KCNN2: variants seen among roughly 807,000 people sequenced by gnomAD.
KCNN2 encodes the protein potassium calcium-activated channel subfamily N member 2, also known as small conductance calcium-activated potassium channel protein 2.
In KCNN2, 24 loss-of-function variants were observed where a neutral mutation model predicts 55.5. The observed-to-expected ratio is 0.43, with a 90% CI of 0.31 to 0.61. KCNN2 has a LOEUF of 0.61. Among genes scored for constraint, KCNN2 ranks in the 20% least tolerant of loss-of-function variants. KCNN2 has a pLI of 0.08. For synonymous variants in KCNN2, 431 were observed against 336.1 expected (o/e 1.28, Z -3.09); for missense variants, 754 against 853.6 (o/e 0.88, Z 1.45).
At chr5:114,294,979 G>A (rs1009303360) in intron 2 of KCNN2, among the ~76,000 whole-genome samples, 3 of 152,110 alleles carry the variant, frequency 2.0e-5, no homozygotes, top group Non-Finnish European at 4.4e-5. Context: ...TGTTTTATCA[G>A]AGACTAGGAT....
intron 3 of KCNN2, among the ~76,000 whole-genome samples, chr5:114,435,707 A>G (rs1226066703): frequency 6.6e-6 from 1 of 152,170 alleles, no homozygotes; most frequent in Non-Finnish European, 1.5e-5. Flanking sequence ...TATACATTTT[A>G]CATTCTTTTC....
chr5:114,334,300 GTGTGTGTGTA>G (rs1019667661), intron 2 of KCNN2, among the ~76,000 whole-genome samples: 4 of 128,792 alleles, frequency 3.1e-5, no homozygotes, highest in African/African-American at 1.1e-4. Flanking sequence ...GTGTGTGTGT[GTGTGTGTGTA>G]TAAGGCTCTG....
intron 2 of KCNN2, among the ~76,000 whole-genome samples, chr5:114,357,065 G>T (rs1220561235): frequency 1.3e-5 from 2 of 152,010 alleles, no homozygotes; most frequent in East Asian, 3.9e-4. Flanking sequence ...CATTTACTTT[G>T]TAGGTCAAAA....
At chr5:114,357,316 TACTTTA>T (rs1561583478), upstream of KCNN2, among the ~76,000 whole-genome samples, 3 of 151,286 alleles carry the variant, frequency 2.0e-5, no homozygotes, top group South Asian at 2.1e-4. Flanking sequence ...TTTTTAATTA[TACTTTA>T]ACTTTTAGGG....
At chr5:114,248,459 A>G (rs1754791092) in intron 2 of KCNN2, among the ~76,000 whole-genome samples, 1 of 152,232 alleles carries the variant, frequency 6.6e-6, no homozygotes, top group Non-Finnish European at 1.5e-5. Context: ...ATATGGATCA[A>G]AGAGCACAGA....
At chr5:114,372,131 T>C (rs951061795) in intron 2 of KCNN2, among the ~76,000 whole-genome samples, 11 of 152,214 alleles carry the variant, frequency 7.2e-5, no homozygotes, top group African/African-American at 2.7e-4. Flanking sequence ...ATCTATGGAA[T>C]TGGCAAGACT....
At chr5:114,383,464 C>CTTTTTTTT (rs66787954) in intron 2 of KCNN2, among the ~76,000 whole-genome samples, 1 of 102,696 alleles carries the variant, frequency 9.7e-6, no homozygotes, top group Non-Finnish European at 1.8e-5. Context: ...CCACTAAATG[C>CTTTTTTTT]TTTTTTTTTT....
intron 3 of KCNN2, among the ~76,000 whole-genome samples, chr5:114,409,620 C>T (rs996863580): frequency 6.6e-6 from 1 of 152,018 alleles, no homozygotes; most frequent in African/African-American, 2.4e-5. Flanking sequence ...TAAAAAGAGA[C>T]TTAGATTTTT....
chr5:114,282,483 A>G (rs932048271), intron 2 of KCNN2, among the ~76,000 whole-genome samples: 1 of 152,098 alleles, frequency 6.6e-6, no homozygotes, highest in African/African-American at 2.4e-5. Flanking sequence ...TAGTAATACA[A>G]TCATATTTAT....
intron 2 of KCNN2, among the ~76,000 whole-genome samples, chr5:114,284,564 C>A (rs1351436787): frequency 6.6e-6 from 1 of 152,122 alleles, no homozygotes; most frequent in Non-Finnish European, 1.5e-5. Context: ...TGTTGCCAGG[C>A]TGGAGTGCAG....
intron 1 of KCNN2, among the ~76,000 whole-genome samples, chr5:114,071,815 A>G (rs891254136): frequency 6.6e-6 from 1 of 152,194 alleles, no homozygotes; most frequent in Non-Finnish European, 1.5e-5. Context: ...ATAAGGGACC[A>G]TGTGCTATGG....
chr5:114,327,557 C>T (rs1756735986), intron 2 of KCNN2, among the ~76,000 whole-genome samples: 1 of 151,890 alleles, frequency 6.6e-6, no homozygotes, highest in Non-Finnish European at 1.5e-5. Flanking sequence ...AATAACTGGC[C>T]AGAAAAAAAT....
chr5:114,233,212 G>T (rs183340940), intron 2 of KCNN2, among the ~76,000 whole-genome samples: 2 of 151,982 alleles, frequency 1.3e-5, no homozygotes, highest in East Asian at 1.9e-4. Flanking sequence ...GAGCCACCGC[G>T]CCCGGCCTAT....
chr5:114,478,214 C>A (rs979268647), intron 5 of KCNN2, among the ~76,000 whole-genome samples: 1 of 151,978 alleles, frequency 6.6e-6, no homozygotes, highest in African/African-American at 2.4e-5. Context: ...GCTAAAAAAG[C>A]CTCTGAGAAA....
At chr5:114,230,239 A>G (rs937278810) in intron 2 of KCNN2, among the ~76,000 whole-genome samples, 2 of 151,922 alleles carry the variant, frequency 1.3e-5, no homozygotes, top group Non-Finnish European at 2.9e-5. Context: ...AGATACTGAC[A>G]ATGATAGACC....
At chr5:114,331,093 G>A (rs749457905) in intron 2 of KCNN2, among the ~76,000 whole-genome samples, 1 of 152,200 alleles carries the variant, frequency 6.6e-6, no homozygotes, top group Non-Finnish European at 1.5e-5. Flanking sequence ...GAGGAAGTCT[G>A]ACAGCTCTGT....
At chr5:114,149,637 T>A (rs1025379444) in intron 1 of KCNN2, among the ~76,000 whole-genome samples, 5 of 152,172 alleles carry the variant, frequency 3.3e-5, no homozygotes, top group African/African-American at 1.2e-4. Context: ...ATAACATCTG[T>A]ATGCAGAAGT....
At chr5:114,357,747 C>T (rs1432032734), upstream of KCNN2, among the ~76,000 whole-genome samples, 12 of 141,784 alleles carry the variant, frequency 8.5e-5, no homozygotes, top group Non-Finnish European at 1.5e-4. Context: ...GTGAATAATG[C>T]CGCAATAAAC....
intron 2 of KCNN2, among the ~76,000 whole-genome samples, chr5:114,324,851 A>G (rs1756685833): frequency 6.6e-6 from 1 of 152,234 alleles, no homozygotes; most frequent in African/African-American, 2.4e-5. Context: ...TAGCAGAAAT[A>G]TGGATGTTAA....
Sources: allele counts gnomAD v4.1 joint callset (sites outside exome capture counted in the v4.1 genomes callset), GRCh38; gene constraint gnomAD v4.1.1; transcripts MANE v1.5; gene names NCBI Gene and HGNC (gene_info 2026-07-23, HGNC 2026-07-21).